The following EPHB1 variants were observed in gnomAD, a reference collection of about 807,000 sequenced individuals.
EPHB1 encodes the protein EPH receptor B1.
A neutral mutation model predicts 94.4 loss-of-function variants in EPHB1; 30 were observed. The ratio of observed to expected loss-of-function variants is 0.32; its 90% CI spans 0.24 to 0.43. EPHB1 has a LOEUF of 0.43. Ranked by LOEUF, EPHB1 falls within the 20% of genes least tolerant of loss-of-function variation. The pLI is 1.00. For missense variants in EPHB1, 1,055 were observed against 1,308.3 expected, an observed-to-expected ratio of 0.81 and a Z score of 2.99; for synonymous variants, 522 against 489.1, an observed-to-expected ratio of 1.07 and a Z score of -0.89.
At position 135,258,302 on chromosome 3, in the gene EPHB1, C is replaced by T. The variant is rs1043319418; in HGVS notation, c.2847-710C>T. 6.6e-5 allele frequency among the ~76,000 whole-genome samples: 10 copies of T among 152,296 alleles called. No individual in the cohort carries two copies. The East Asian group carries it at 1.7e-3, about 26-fold the overall frequency. ...TCTCTATTTTTATGAAATGCTTTCA[C>T]ATAGGTTTAAATGAGATAGTGTATG... On this transcript the variant is annotated intron_variant, in intron 15 of 15. Coordinates refer to ENST00000398015, the MANE Select transcript of EPHB1 (RefSeq NM_004441.5).
At chr3:134,872,889 A>G (rs908883820) in intron 1 of EPHB1, among the ~76,000 whole-genome samples, 2 of 152,326 alleles carry the variant, frequency 1.3e-5, no homozygotes, top group African/African-American at 4.8e-5. Context: ...TGGCATCCCA[A>G]GAAAACCCAG....
intron 6 of EPHB1, among the ~76,000 whole-genome samples, chr3:135,155,787 C>CA (rs35095229): frequency 0.5 from 29,448 of 59,330 alleles, 7,354 homozygotes; most frequent in Non-Finnish European, 0.55. Context: ...AAGACTTTGT[C>CA]AAAAAAAAAA....
chr3:135,175,344 C>T (rs551702432), intron 9 of EPHB1, among the ~76,000 whole-genome samples: 1 of 152,290 alleles, frequency 6.6e-6, no homozygotes, highest in African/African-American at 2.4e-5. Context: ...CAACAAGGTT[C>T]TGGACAGTGG....
At chr3:135,128,230 G>A (rs1283858899) in intron 4 of EPHB1, among the ~76,000 whole-genome samples, 2 of 152,226 alleles carry the variant, frequency 1.3e-5, no homozygotes, top group Admixed American at 6.5e-5. Context: ...CCCTTGTAAT[G>A]TTTTTGTTTA....
intron 3 of EPHB1, among the ~76,000 whole-genome samples, chr3:134,996,880 T>G (rs1380441582): frequency 6.6e-6 from 1 of 152,106 alleles, no homozygotes; most frequent in Admixed American, 6.5e-5. Flanking sequence ...TTCTTTTGAG[T>G]GTCATAATTT....
intron 1 of EPHB1, among the ~76,000 whole-genome samples, chr3:134,873,923 C>G (rs2037555715): frequency 6.6e-6 from 1 of 152,086 alleles, no homozygotes; most frequent in South Asian, 2.1e-4. Flanking sequence ...GTTTGTCACT[C>G]AGGTTAGCAA....
chr3:135,048,397 G>A (rs924539442), intron 3 of EPHB1, among the ~76,000 whole-genome samples: 1 of 150,724 alleles, frequency 6.6e-6, no homozygotes, highest in African/African-American at 2.4e-5. Flanking sequence ...AGCCTCCCCA[G>A]TAGCTGGGAC....
intron 10 of EPHB1, among the ~76,000 whole-genome samples, chr3:135,186,956 G>C (rs1468385222): frequency 3.9e-5 from 6 of 152,146 alleles, no homozygotes. Flanking sequence ...CTAAAACCCA[G>C]GTCACAGGCC....
In EPHB1 at chr3:135,197,896, AT is replaced by A. The variant is rs147986258; in HGVS notation, c.2131-3577del. Reference sequence around the variant, plus strand: ...AAGTTCTTTTTGGAGAATTATGCCAATCAACTGAGCATGTAACAGTTAAACA... The same window carrying A: ...AAGTTCTTTTTGGAGAATTATGCCAACAACTGAGCATGTAACAGTTAAACA... On this transcript the variant is annotated intron_variant, in intron 11 of 15. Coordinates refer to ENST00000398015, the MANE Select transcript of EPHB1 (RefSeq NM_004441.5). Among the ~76,000 whole-genome samples, 1,162 of 152,296 alleles carry A rather than the reference AT, an allele frequency of 7.6e-3. 19 individuals are homozygous for A. The highest frequency in any genetic ancestry group is 0.024 in the African/African-American group (1,018 of 41,552).
At chr3:134,833,628 G>T (rs1387610112) in intron 1 of EPHB1, among the ~76,000 whole-genome samples, 1 of 152,234 alleles carries the variant, frequency 6.6e-6, no homozygotes, top group Non-Finnish European at 1.5e-5. Flanking sequence ...AGTGTGATGG[G>T]TGCCAGGACT....
At chr3:134,915,508 G>A (rs996964320) in intron 1 of EPHB1, among the ~76,000 whole-genome samples, 4 of 152,188 alleles carry the variant, frequency 2.6e-5, no homozygotes, top group Non-Finnish European at 4.4e-5. Flanking sequence ...CTGATACTGT[G>A]TCTGGAATTG....
At chr3:134,835,809 G>C (rs1002271804) in intron 1 of EPHB1, among the ~76,000 whole-genome samples, 1 of 152,128 alleles carries the variant, frequency 6.6e-6, no homozygotes, top group South Asian at 2.1e-4. Context: ...GGCTCCAAGG[G>C]CTCCATTCAT....
chr3:134,978,647 G>C (rs1934286852), intron 3 of EPHB1, among the ~76,000 whole-genome samples: 1 of 152,174 alleles, frequency 6.6e-6, no homozygotes, highest in Non-Finnish European at 1.5e-5. Context: ...AGCCTTCCCT[G>C]TCTGTAGTAG....
At chr3:134,921,650 G>C (rs543593026) in intron 1 of EPHB1, among the ~76,000 whole-genome samples, 4 of 152,200 alleles carry the variant, frequency 2.6e-5, no homozygotes, top group Non-Finnish European at 5.9e-5. Flanking sequence ...AACATAATTA[G>C]ATTCTTAAAG....
At chr3:134,818,815 C>G (rs2036322353) in intron 1 of EPHB1, among the ~76,000 whole-genome samples, 1 of 152,176 alleles carries the variant, frequency 6.6e-6, no homozygotes, top group Admixed American at 6.5e-5. Flanking sequence ...TTTTGGAATT[C>G]TGAATTGTGC....
rs945148039 is a variant in EPHB1 at position 135,030,787 on chromosome 3, G to T, written c.806-75661G>T. Reference sequence around the variant, plus strand: ...CTTCCCTGCTGCTTTGTTTACCTAAGCAAGCCTGGGCAATGGTGGGCGCCC... The same window carrying T: ...CTTCCCTGCTGCTTTGTTTACCTAATCAAGCCTGGGCAATGGTGGGCGCCC... On this transcript the variant is annotated intron_variant, in intron 3 of 15. Coordinates refer to ENST00000398015, the MANE Select transcript of EPHB1 (RefSeq NM_004441.5). 4.6e-5 allele frequency among the ~76,000 whole-genome samples: 7 copies of T among 152,338 alleles called. No individual in the cohort carries two copies. The East Asian group carries it at 1.2e-3, about 25-fold the overall frequency.
chr3:135,031,859 G>T (rs1238882210), intron 3 of EPHB1, among the ~76,000 whole-genome samples: 1 of 151,942 alleles, frequency 6.6e-6, no homozygotes, highest in African/African-American at 2.4e-5. Context: ...TCGTTGATTG[G>T]CTGGGTATGA....
intron 5 of EPHB1, among the ~76,000 whole-genome samples, chr3:135,149,679 A>C (rs1941131318): frequency 6.6e-6 from 1 of 152,224 alleles, no homozygotes; most frequent in South Asian, 2.1e-4. Flanking sequence ...AGGATAAGAA[A>C]TGCTTTCTTG....
At chr3:134,889,758 A>G (rs1195262488) in intron 1 of EPHB1, among the ~76,000 whole-genome samples, 1 of 151,174 alleles carries the variant, frequency 6.6e-6, no homozygotes, top group Non-Finnish European at 1.5e-5. Context: ...GCTTGCTGCA[A>G]GCGCCGCCTT....
Sources: allele counts gnomAD v4.1 joint callset (sites outside exome capture counted in the v4.1 genomes callset), GRCh38; gene constraint gnomAD v4.1.1; transcripts MANE v1.5; gene names NCBI Gene and HGNC (gene_info 2026-07-23, HGNC 2026-07-21).